GPR158: variants seen among roughly 807,000 people sequenced by gnomAD.
The protein encoded by GPR158 is metabotropic glycine receptor.
Under a neutral mutation model 78.2 loss-of-function variants are expected in GPR158, and 30 were observed. The observed-to-expected ratio is 0.38, with a 90% CI of 0.29 to 0.52. The LOEUF (loss-of-function observed/expected upper bound fraction) is 0.52. Ranked by LOEUF, GPR158 falls within the 20% of genes least tolerant of loss-of-function variation. The pLI is 0.83. For missense variants in GPR158, 1,463 were observed against 1,523.5 expected (o/e 0.96, Z 0.66); for synonymous variants, 581 against 591.1 (o/e 0.98, Z 0.25).
Position 25,587,408 on chromosome 10 carries a change from C to G in GPR158, c.1754-1599C>G, listed in dbSNP as rs753568107. On this transcript the variant is annotated intron_variant, in intron 7 of 10. Coordinates refer to ENST00000376351, the MANE Select transcript of GPR158 (RefSeq NM_020752.3). ...ATAATTTCAGCAAATAAGGAGTAAA[C>G]TGATAGCGGCTTAGGCAAAGATTGT... 7.9e-5 allele frequency among the ~76,000 whole-genome samples: 12 copies of G among 152,254 alleles called. No homozygotes were observed. In the South Asian group the frequency reaches 2.5e-3, roughly 32 times the overall value.
At chr10:25,418,495 T>A (rs1368546239) in intron 4 of GPR158, among the ~76,000 whole-genome samples, 2 of 152,100 alleles carry the variant, frequency 1.3e-5, no homozygotes, top group Admixed American at 1.3e-4. Flanking sequence ...AAACTGTGAA[T>A]AATTTTGAGC....
At chr10:25,567,852 G>A (rs920135121) in intron 6 of GPR158, among the ~76,000 whole-genome samples, 1 of 145,168 alleles carries the variant, frequency 6.9e-6, no homozygotes, top group East Asian at 2.0e-4. Context: ...TTGAAGGTGG[G>A]CAAGACCAGT....
At chr10:25,399,256 C>T (rs1354641906) in intron 3 of GPR158, among the ~76,000 whole-genome samples, 1 of 152,154 alleles carries the variant, frequency 6.6e-6, no homozygotes, top group African/African-American at 2.4e-5. Context: ...ATTTAATTAT[C>T]TCCACCTGTT....
chr10:25,236,400 C>T (rs1345213081), intron 2 of GPR158, among the ~76,000 whole-genome samples: 1 of 151,978 alleles, frequency 6.6e-6, no homozygotes, highest in Non-Finnish European at 1.5e-5. Context: ...CCCAGCTACT[C>T]GGGAGGCTGA....
At chr10:25,597,548 C>T (rs867878276) in intron 10 of GPR158, among the ~76,000 whole-genome samples, 10 of 152,126 alleles carry the variant, frequency 6.6e-5, no homozygotes, top group African/African-American at 2.2e-4. Context: ...GGTTAGAATA[C>T]GTGAGTTCAT....
intron 1 of GPR158, among the ~76,000 whole-genome samples, chr10:25,210,496 A>G (rs1010126895): frequency 1.1e-4 from 17 of 152,182 alleles, no homozygotes; most frequent in Non-Finnish European, 1.3e-4. Context: ...CAGGGTTCCT[A>G]TAGCCTCACA....
At position 25,599,165 on chromosome 10, in the gene GPR158, C is replaced by T; in HGVS notation, c.3539C>T (p.Ala1180Val). ...TGTCCTTGGGAGTTTGAGACCCCAGCTCAACCAAATGCTGGAAGAAGTGTA... is the reference window on the plus strand; with the variant it reads ...TGTCCTTGGGAGTTTGAGACCCCAGTTCAACCAAATGCTGGAAGAAGTGTA... ...EVCPWEFETP[A>V]QPNAGRSVAL... The change falls in exon 11 of 11, where the codon GCT becomes GTT. Residue 1180 changes from alanine to valine, a missense_variant. Transcript: ENST00000376351. 1.2e-6 allele frequency: 2 copies of T among 1,611,092 alleles called. No individual in the cohort carries two copies. The highest frequency in any genetic ancestry group is 2.2e-5 in the East Asian group (1 of 44,878).
At chr10:25,365,277 TATTTAATTTTCTCCCCATAATAAA>T (rs1855703973) in intron 2 of GPR158, among the ~76,000 whole-genome samples, 1 of 47,498 alleles carries the variant, frequency 2.1e-5, no homozygotes, top group Non-Finnish European at 5.4e-5. Flanking sequence ...ATTTAAACAA[TATTTAATTTTCTCCCCATAATAAA>T]AGCTCAGTGT....
intron 2 of GPR158, among the ~76,000 whole-genome samples, chr10:25,260,133 G>C (rs1853947651): frequency 6.6e-6 from 1 of 152,064 alleles, no homozygotes. Flanking sequence ...CGAGGTAACT[G>C]TTTGACTACG....
At chr10:25,464,885 A>T (rs1835401981) in intron 4 of GPR158, among the ~76,000 whole-genome samples, 1 of 152,210 alleles carries the variant, frequency 6.6e-6, no homozygotes, top group Non-Finnish European at 1.5e-5. Flanking sequence ...AAACCCATTT[A>T]AATGCTTGCT....
intron 2 of GPR158, among the ~76,000 whole-genome samples, chr10:25,304,389 C>T (rs140312957): frequency 1.9e-4 from 29 of 152,024 alleles, no homozygotes; most frequent in African/African-American, 6.5e-4. Flanking sequence ...ATATGTTACC[C>T]CTTTTATAAC....
intron 3 of GPR158, among the ~76,000 whole-genome samples, chr10:25,410,030 T>C (rs1052136070): frequency 2.6e-5 from 4 of 152,242 alleles, no homozygotes; most frequent in Admixed American, 6.5e-5. Context: ...TAGCCTTTTC[T>C]CAGTCATCAT....
intron 2 of GPR158, among the ~76,000 whole-genome samples, chr10:25,374,778 T>G (rs950612889): frequency 1.3e-5 from 2 of 151,816 alleles, no homozygotes; most frequent in African/African-American, 2.4e-5. Context: ...GGATGTACTA[T>G]GTTGGTTTAA....
Position 25,217,379 on chromosome 10 carries a change from C to T in GPR158, c.903-3673C>T, listed in dbSNP as rs115843579. 2.2e-3 allele frequency among the ~76,000 whole-genome samples: 335 copies of T among 152,222 alleles called. 2 individuals carry two copies. The highest frequency in any genetic ancestry group is 7.8e-3 in the African/African-American group (326 of 41,550). On this transcript the variant is annotated intron_variant, in intron 1 of 10. Coordinates refer to ENST00000376351, the MANE Select transcript of GPR158 (RefSeq NM_020752.3). ...GGCTTCTGGTAATACTCTTAATGCC[C>T]ATGGTGCCTACCCATCCAACAGTTA...
intron 2 of GPR158, among the ~76,000 whole-genome samples, chr10:25,378,886 G>A (rs190656503): frequency 3.7e-3 from 560 of 152,164 alleles, no homozygotes; most frequent in Non-Finnish European, 6.3e-3. Context: ...CAAACTTCCA[G>A]GTTCAAATGA....
At chr10:25,375,960 C>T (rs1834073416) in intron 2 of GPR158, among the ~76,000 whole-genome samples, 1 of 151,516 alleles carries the variant, frequency 6.6e-6, no homozygotes, top group South Asian at 2.1e-4. Flanking sequence ...TAAATCTATA[C>T]ATTACTTTGG....
At chr10:25,433,340 TA>T (rs9335106) in intron 4 of GPR158, among the ~76,000 whole-genome samples, 106,333 of 152,002 alleles carry the variant, frequency 0.7, 38,204 homozygotes, top group Non-Finnish European at 0.8. Flanking sequence ...CATTGAAACT[TA>T]ACGTGCCAGA....
At chr10:25,578,666 T>C (rs1489587250) in intron 7 of GPR158, among the ~76,000 whole-genome samples, 2 of 152,170 alleles carry the variant, frequency 1.3e-5, no homozygotes, top group African/African-American at 4.8e-5. Flanking sequence ...TAAAATAGAT[T>C]TAATGAACAT....
chr10:25,569,316 C>T (rs541205198), intron 6 of GPR158, among the ~76,000 whole-genome samples: 26 of 152,146 alleles, frequency 1.7e-4, no homozygotes, highest in Middle Eastern at 3.4e-3. Context: ...TAACTGGAAT[C>T]GTAGATTTCC....
Sources: gnomAD v4.1 joint callset for allele counts (sites outside exome capture counted in the v4.1 genomes callset) on GRCh38, gnomAD v4.1.1 for gene constraint, MANE v1.5 for transcripts, NCBI Gene and HGNC (gene_info 2026-07-23, HGNC 2026-07-21) for gene names.